The following LNX1 variants were observed in gnomAD, a reference collection of about 807,000 sequenced individuals.
LNX1 encodes ligand of numb-protein X 1.
In LNX1, 54 loss-of-function variants were observed where a neutral mutation model predicts 68.4. The ratio of observed to expected loss-of-function variants is 0.79; its 90% CI spans 0.63 to 0.99. LNX1 has a LOEUF of 0.99. LNX1 is among the 50% of genes least tolerant of loss of function. LNX1 has a pLI of 0.00. For synonymous variants in LNX1, 336 were observed against 350.0 expected, an observed-to-expected ratio of 0.96 and a Z score of 0.45; for missense variants, 906 against 926.4, an observed-to-expected ratio of 0.98 and a Z score of 0.29.
intron 1 of LNX1, among the ~76,000 whole-genome samples, chr4:53,581,378 G>A (rs1223285646): frequency 1.3e-5 from 2 of 151,932 alleles, no homozygotes; most frequent in African/African-American, 2.4e-5. Context: ...AAATAGTTTT[G>A]TTTTCCTGGC....
chr4:53,554,178 G>A (rs77175813), intron 2 of LNX1, among the ~76,000 whole-genome samples: 4,260 of 152,228 alleles, frequency 0.028, 205 homozygotes, highest in African/African-American at 0.098. Flanking sequence ...TCCAGCTCTC[G>A]CCATTGGACT....
chr4:53,525,545 G>T (rs573316329), intron 2 of LNX1, among the ~76,000 whole-genome samples: 4 of 152,316 alleles, frequency 2.6e-5, no homozygotes, highest in Non-Finnish European at 4.4e-5. Flanking sequence ...TTTGACCTCA[G>T]CAGAGCTTAG....
At chr4:53,629,411 C>T (rs1734189044) in intron 1 of LNX1, among the ~76,000 whole-genome samples, 1 of 152,120 alleles carries the variant, frequency 6.6e-6, no homozygotes, top group Admixed American at 6.6e-5. Flanking sequence ...GTGCTAAGAG[C>T]TCACCCTGGA....
chr4:53,558,324 A>G, intron 2 of LNX1: 1 of 1,059,928 alleles, frequency 9.4e-7, no homozygotes. Context: ...GGGAGCAGAC[A>G]GGCTGGGAGT....
Position 53,498,757 on chromosome 4 carries a change from T to G in LNX1, c.862A>C (p.Ile288Leu), listed in dbSNP as rs926961256. ...GTTTCGCTACCTCCCACCAGCCTAA[T>G]AGAGAGGCTTTCACTGGGATCTACT... is the stretch of plus-strand genomic sequence containing the variant. ...NRVDPSESLS[I>L]RLVGGSETPL... The change falls in exon 5 of 11, where the codon ATT (isoleucine) becomes CTT (leucine). Residue 288 changes from isoleucine (I) to leucine (L), a missense_variant. Physicochemically the swap from Ile to Leu is conservative, Grantham distance 5. Coordinates refer to ENST00000263925, the MANE Select transcript of LNX1 (RefSeq NM_001126328.3). The G allele has an allele frequency of 6.2e-7, 1 of 1,613,694 alleles. No homozygotes were observed. Among genetic ancestry groups the G allele is most frequent in the Non-Finnish European group, 8.5e-7 (1 of 1,179,688 alleles).
chr4:53,525,969 C>G (rs1727581833), intron 2 of LNX1, among the ~76,000 whole-genome samples: 1 of 152,140 alleles, frequency 6.6e-6, no homozygotes, highest in South Asian at 2.1e-4. Flanking sequence ...AAATTGGACT[C>G]TGCAAATTTC....
At chr4:53,522,435 C>A (rs1727293452) in intron 2 of LNX1, among the ~76,000 whole-genome samples, 1 of 152,126 alleles carries the variant, frequency 6.6e-6, no homozygotes, top group African/African-American at 2.4e-5. Flanking sequence ...GTTAGCAATC[C>A]AACACAGAAA....
intron 2 of LNX1, among the ~76,000 whole-genome samples, chr4:53,525,449 C>G (rs1182189241): frequency 1.3e-5 from 2 of 152,210 alleles, no homozygotes; most frequent in Admixed American, 1.3e-4. Flanking sequence ...TACTTCACTG[C>G]AGAGTGGGTG....
chr4:53,528,748 AC>A (rs1386722904), intron 2 of LNX1, among the ~76,000 whole-genome samples: 2 of 152,114 alleles, frequency 1.3e-5, no homozygotes, highest in East Asian at 3.9e-4. Flanking sequence ...GCTGGCCTAA[AC>A]AAACTGGGTA....
chr4:53,542,169 T>A (rs1017604488), intron 2 of LNX1, among the ~76,000 whole-genome samples: 1 of 152,178 alleles, frequency 6.6e-6, no homozygotes, highest in African/African-American at 2.4e-5. Flanking sequence ...GTATGAGATA[T>A]GCAATTGTCA....
intron 2 of LNX1, among the ~76,000 whole-genome samples, chr4:53,606,707 A>G (rs1417090685): frequency 6.6e-6 from 1 of 152,222 alleles, no homozygotes; most frequent in Non-Finnish European, 1.5e-5. Context: ...AAAATCCTCA[A>G]TAAAATACTG....
At chr4:53,539,572 A>T (rs1728610729) in intron 2 of LNX1, among the ~76,000 whole-genome samples, 1 of 152,320 alleles carries the variant, frequency 6.6e-6, no homozygotes, top group South Asian at 2.1e-4. Flanking sequence ...TTGTGTAAGA[A>T]TTGTAGGACT....
rs181149797 is a variant in LNX1 at position 53,497,745 on chromosome 4, G to A, written c.978+896C>T. Among the ~76,000 whole-genome samples, 22 of 152,326 alleles carry A rather than the reference G, an allele frequency of 1.4e-4. No homozygotes were observed. The East Asian group carries it at 3.9e-3, about 27-fold the overall frequency. ...AGCTGATTGTACTGCGGCCTGCCCC[G>A]AGGGCCCTGTCTTATGCTCCACCTC... On this transcript the variant is annotated intron_variant, in intron 5 of 10. Transcript: ENST00000263925.
intron 6 of LNX1, among the ~76,000 whole-genome samples, chr4:53,494,408 A>G (rs1182607618): frequency 2.0e-5 from 3 of 152,138 alleles, no homozygotes; most frequent in Non-Finnish European, 4.4e-5. Flanking sequence ...AGAATGGACT[A>G]ACACATGGGC....
chr4:53,519,656 A>ATCTGACACGC (rs1553934430), intron 2 of LNX1, among the ~76,000 whole-genome samples: 1 of 151,440 alleles, frequency 6.6e-6, no homozygotes. Context: ...CTGTCAAGGT[A>ATCTGACACGC]TCTGACACAC....
intron 1 of LNX1, among the ~76,000 whole-genome samples, chr4:53,635,918 T>C (rs756613503): frequency 2.6e-4 from 40 of 152,188 alleles, no homozygotes; most frequent in Non-Finnish European, 4.7e-4. Context: ...ATTTACTAAG[T>C]GTGCATAAAA....
intron 10 of LNX1, 31 bp downstream of exon 10, chr4:53,461,404 A>C (rs767525508): frequency 6.5e-7 from 1 of 1,528,872 alleles, no homozygotes; most frequent in Non-Finnish European, 9.0e-7. Context: ...AACATTTAAT[A>C]CAAGTATTTT....
chr4:53,550,328 A>G (rs1367811614), intron 2 of LNX1, among the ~76,000 whole-genome samples: 1 of 152,174 alleles, frequency 6.6e-6, no homozygotes, highest in Non-Finnish European at 1.5e-5. Flanking sequence ...CTGTTGGAAT[A>G]TGATTTCTCC....
intron 1 of LNX1, among the ~76,000 whole-genome samples, chr4:53,624,666 G>T (rs1734008961): frequency 6.6e-6 from 1 of 152,064 alleles, no homozygotes; most frequent in African/African-American, 2.4e-5. Context: ...GCTCTCCTAG[G>T]GTTCTCAGAA....
Sources: allele counts gnomAD v4.1 joint callset (sites outside exome capture counted in the v4.1 genomes callset), GRCh38; gene constraint gnomAD v4.1.1; transcripts MANE v1.5; gene names NCBI Gene and HGNC (gene_info 2026-07-23, HGNC 2026-07-21).